Variants in HERC3 observed in about 807,000 individuals in gnomAD.
HERC3 encodes the protein HECT and RLD domain containing E3 ubiquitin protein ligase 3.
A neutral mutation model predicts 129.9 loss-of-function variants in HERC3; 58 were observed. That is an observed-to-expected ratio of 0.45 (90% confidence interval 0.36 to 0.56). The LOEUF (loss-of-function observed/expected upper bound fraction) is 0.56. Among genes scored for constraint, HERC3 ranks in the 20% least tolerant of loss-of-function variants. The pLI, the probability that HERC3 is intolerant of heterozygous loss-of-function variation, is 0.00. For missense variants in HERC3, 835 were observed against 1,244.2 expected (o/e 0.67, Z 4.95); for synonymous variants, 430 against 451.0 (o/e 0.95, Z 0.59).
intron 3 of HERC3, among the ~76,000 whole-genome samples, chr4:88,607,716 G>A (rs1271988987): frequency 6.6e-6 from 1 of 152,172 alleles, no homozygotes; most frequent in Non-Finnish European, 1.5e-5. Flanking sequence ...CAATCTGCCT[G>A]CCTTGGCCTC....
Position 88,662,563 on chromosome 4 carries a change from G to T in HERC3, c.1271+8G>T. 1.3e-6 allele frequency: 2 copies of T among 1,591,938 alleles called. No individual in the cohort carries two copies. Among genetic ancestry groups the T allele is most frequent in the Non-Finnish European group, 1.7e-6 (2 of 1,174,310 alleles). On this transcript the variant is annotated splice_region_variant and intron_variant, in intron 11 of 25. Coordinates refer to ENST00000402738, the MANE Select transcript of HERC3 (RefSeq NM_014606.3). ...CAATGCAAATACAATCAAGTATGTG[G>T]CTGCTTGTCTTCATTTTTTTTTCCA...
At chr4:88,580,624 T>A in the HERC3 span, among the ~76,000 whole-genome samples, 2 of 152,218 alleles carry the variant, frequency 1.3e-5, no homozygotes, top group Admixed American at 1.3e-4. Flanking sequence ...AAAATCAAGT[T>A]AACCTTATAT....
chr4:88,543,956 C>T, the HERC3 span, among the ~76,000 whole-genome samples: 1 of 152,126 alleles, frequency 6.6e-6, no homozygotes, highest in South Asian at 2.1e-4. Context: ...AGATCTAAAA[C>T]CATAAAAACC....
At chr4:88,652,821 T>G in intron 5 of HERC3, 48 bp from the exon 6 acceptor site, 24 of 1,550,726 alleles carry the variant, frequency 1.5e-5, no homozygotes, top group South Asian at 2.3e-5. Context: ...TTTTTGTGTG[T>G]GGAGCTTGTA....
At chr4:88,528,851 T>C in the HERC3 span, among the ~76,000 whole-genome samples, 1 of 152,224 alleles carries the variant, frequency 6.6e-6, no homozygotes, top group African/African-American at 2.4e-5. Flanking sequence ...GCTAAGGTTT[T>C]GTTAATTTAC....
intron 23 of HERC3, among the ~76,000 whole-genome samples, chr4:88,694,907 G>T (rs543255881): frequency 6.6e-6 from 1 of 152,218 alleles, no homozygotes; most frequent in African/African-American, 2.4e-5. Flanking sequence ...GTATTTATCT[G>T]ATAACTGGTC....
intron 23 of HERC3, chr4:88,693,641 A>G: frequency 1.0e-6 from 1 of 980,060 alleles, no homozygotes; most frequent in Non-Finnish European, 1.2e-6. Context: ...TGCAAATTTC[A>G]CCTCAATAAA....
At chr4:88,699,029 AC>A (rs1219624086) in intron 23 of HERC3, among the ~76,000 whole-genome samples, 1 of 61,954 alleles carries the variant, frequency 1.6e-5, no homozygotes, top group Non-Finnish European at 2.9e-5. Flanking sequence ...CACCCTCTTC[AC>A]CCTCTTCTTC....
intron 25 of HERC3, 55 bp downstream of exon 25, chr4:88,704,665 G>A: frequency 9.3e-7 from 1 of 1,079,950 alleles, no homozygotes; most frequent in South Asian, 1.3e-5. Flanking sequence ...CTTACATACA[G>A]TATAGGATGA....
At chr4:88,690,503 C>T in intron 23 of HERC3, 1 of 985,394 alleles carries the variant, frequency 1.0e-6, no homozygotes, top group Non-Finnish European at 1.2e-6. Flanking sequence ...TAGAAGCTAA[C>T]AATGGGATAG....
chr4:88,655,251 T>C lies in HERC3; in HGVS notation c.855T>C (p.Pro285=). The C allele has an allele frequency of 6.2e-7, 1 of 1,614,064 alleles. No individual in the cohort carries two copies. The change falls in exon 8 of 26, where the codon CCT becomes CCC. Residue 285 remains proline, a synonymous_variant. Coordinates refer to ENST00000402738, the MANE Select transcript of HERC3 (RefSeq NM_014606.3). Reference sequence around the variant, plus strand: ...ACTCCATGAATGATGAGGTTAACCCTAGAAGAGTTCTAGAGCTGATGGGTA... The same window carrying C: ...ACTCCATGAATGATGAGGTTAACCCCAGAAGAGTTCTAGAGCTGATGGGTA... ...GHDSMNDEVN[P]RRVLELMGSE... is the part of the protein sequence containing the mutation.
the HERC3 span, among the ~76,000 whole-genome samples, chr4:88,545,671 C>T: frequency 3.9e-5 from 6 of 152,066 alleles, no homozygotes; most frequent in African/African-American, 1.4e-4. Flanking sequence ...AAGGATCTTC[C>T]TACCTCAACC....
the HERC3 span, among the ~76,000 whole-genome samples, chr4:88,546,771 A>G: frequency 6.6e-6 from 1 of 152,158 alleles, no homozygotes; most frequent in Non-Finnish European, 1.5e-5. Flanking sequence ...TTTGTGCACT[A>G]TACAAATTGA....
chr4:88,614,968 T>TAGGTCACCA lies in HERC3; in HGVS notation c.226+8921_226+8929dup, dbSNP rs1473598565. Among the ~76,000 whole-genome samples the TAGGTCACCA allele has an allele frequency of 2.0e-5, 3 of 152,312 alleles. No individual in the cohort carries two copies. The East Asian group carries it at 5.8e-4, about 29-fold the overall frequency. On this transcript the variant is annotated intron_variant, in intron 3 of 25. Coordinates refer to ENST00000402738, the MANE Select transcript of HERC3 (RefSeq NM_014606.3). ...AAATAAGTGTCCTGCAGTGAAGAGA[T>TAGGTCACCA]AGGTCACCAACAGTACTGAATTCTG...
the HERC3 span, among the ~76,000 whole-genome samples, chr4:88,586,368 T>TTTTTTTTTTTTTTGTTTTTTTC: frequency 6.6e-6 from 1 of 151,368 alleles, no homozygotes; most frequent in Non-Finnish European, 1.5e-5. Flanking sequence ...TTTCTTTTTT[T>TTTTTTTTTTTTTTGTTTTTTTC]TTTTTTTGAG....
chr4:88,606,448 A>G (rs767854650), intron 3 of HERC3, among the ~76,000 whole-genome samples: 1 of 152,058 alleles, frequency 6.6e-6, no homozygotes, highest in South Asian at 2.1e-4. Context: ...AACATATGTA[A>G]TATCAGTTAC....
At chr4:88,622,520 T>C (rs1404077403) in intron 3 of HERC3, among the ~76,000 whole-genome samples, 5 of 152,208 alleles carry the variant, frequency 3.3e-5, no homozygotes, top group African/African-American at 1.2e-4. Context: ...ATTGTTGGGT[T>C]ATATGGTAAC....
chr4:88,693,183 T>C, intron 23 of HERC3: 1 of 983,718 alleles, frequency 1.0e-6, no homozygotes, highest in Non-Finnish European at 1.2e-6. Context: ...TCTTTTTTAT[T>C]CCTCTTTTTT....
At chr4:88,546,970 C>A in the HERC3 span, among the ~76,000 whole-genome samples, 1 of 152,172 alleles carries the variant, frequency 6.6e-6, no homozygotes, top group Admixed American at 6.6e-5. Flanking sequence ...TTTTAAAAAA[C>A]TGTTTCTTGG....
Sources: gnomAD v4.1 joint callset for allele counts (sites outside exome capture counted in the v4.1 genomes callset) on GRCh38, gnomAD v4.1.1 for gene constraint, MANE v1.5 for transcripts, NCBI Gene and HGNC (gene_info 2026-07-23, HGNC 2026-07-21) for gene names.